The following CD302 variants were observed in gnomAD, a reference collection of about 807,000 sequenced individuals.
CD302 encodes CD302 antigen.
In CD302, 23 loss-of-function variants were observed where a neutral mutation model predicts 26.5. The observed-to-expected ratio is 0.87, with a 90% CI of 0.62 to 1.23. The LOEUF is 1.23. Among genes scored for constraint, CD302 ranks in the 50% most tolerant of loss-of-function variants. The probability of loss-of-function intolerance (pLI) is 0.00; values close to 1 mark genes in which losing one functional copy is unlikely to be tolerated. For synonymous variants in CD302, 90 were observed against 99.4 expected (o/e 0.91, Z 0.56); for missense variants, 290 against 275.5 (o/e 1.05, Z -0.37).
chr2:159,794,695 C>T (rs974785061), intron 1 of CD302, among the ~76,000 whole-genome samples: 1 of 151,362 alleles, frequency 6.6e-6, no homozygotes, highest in East Asian at 2.0e-4. Context: ...ACCACAGGTG[C>T]CTGCCACCAC....
intron 1 of CD302, among the ~76,000 whole-genome samples, chr2:159,784,903 G>T (rs1242542579): frequency 6.6e-6 from 1 of 151,484 alleles, no homozygotes; most frequent in Non-Finnish European, 1.5e-5. Context: ...GGGTTTAGCA[G>T]AAGTGGAATG....
chr2:159,782,876 A>G (rs751608938), intron 2 of CD302, among the ~76,000 whole-genome samples: 4 of 152,170 alleles, frequency 2.6e-5, no homozygotes, highest in African/African-American at 7.2e-5. Flanking sequence ...TCATGGTCCT[A>G]TGTAATCTGA....
At chr2:159,773,243 G>T (rs1708210469) in intron 5 of CD302, among the ~76,000 whole-genome samples, 2 of 152,176 alleles carry the variant, frequency 1.3e-5, no homozygotes, top group African/African-American at 4.8e-5. Flanking sequence ...GAAACCCCTG[G>T]CTTCAAGTGA....
Position 159,768,733 on chromosome 2 carries a change from T to C in CD302, c.*3118A>G, listed in dbSNP as rs1301491454. Reference sequence around the variant, plus strand: ...TTGCCAGTTACCTTTGCATTGTCTGTCTTAAAGCAAAAATATAAAATTTAA... The same window carrying C: ...TTGCCAGTTACCTTTGCATTGTCTGCCTTAAAGCAAAAATATAAAATTTAA... On this transcript the variant is annotated 3_prime_UTR_variant, in exon 6 of 6. Transcript: ENST00000259053. 6.6e-6 allele frequency: 1 copy of C among 152,512 alleles called. No individual in the cohort carries two copies. The highest frequency in any genetic ancestry group is 1.5e-5 in the Non-Finnish European group (1 of 68,018). The allele number at this position is 152,512 out of a possible 1,614,324, so 9.4% of individuals were successfully genotyped here.
chr2:159,786,614 A>G (rs1408821571), intron 1 of CD302, among the ~76,000 whole-genome samples: 4 of 152,086 alleles, frequency 2.6e-5, no homozygotes, highest in Non-Finnish European at 4.4e-5. Flanking sequence ...GATTACAGGC[A>G]TGAGCCACTG....
chr2:159,797,085 C>G (rs367784347), intron 1 of CD302, among the ~76,000 whole-genome samples: 19 of 152,190 alleles, frequency 1.2e-4, no homozygotes, highest in African/African-American at 4.3e-4. Flanking sequence ...CAGAAGTTTT[C>G]AAGAAAGGAA....
chr2:159,782,093 C>T (rs1428564785), intron 2 of CD302, among the ~76,000 whole-genome samples: 4 of 151,988 alleles, frequency 2.6e-5, no homozygotes, highest in African/African-American at 9.7e-5. Flanking sequence ...GTGGTGAAAC[C>T]TTGTTTCTAC....
chr2:159,791,265 G>C (rs1011348648), intron 1 of CD302, among the ~76,000 whole-genome samples: 1 of 152,182 alleles, frequency 6.6e-6, no homozygotes, highest in Non-Finnish European at 1.5e-5. Flanking sequence ...AGAAAACTGA[G>C]GATACTATCT....
At chr2:159,793,607 A>G (rs1244628349) in intron 1 of CD302, among the ~76,000 whole-genome samples, 1 of 152,190 alleles carries the variant, frequency 6.6e-6, no homozygotes, top group African/African-American at 2.4e-5. Flanking sequence ...CCGCAAGGGC[A>G]ACTGTGGCAC....
At chr2:159,789,242 T>G (rs1386667644) in intron 1 of CD302, among the ~76,000 whole-genome samples, 1 of 151,936 alleles carries the variant, frequency 6.6e-6, no homozygotes, top group Non-Finnish European at 1.5e-5. Context: ...TCTCAAGCAA[T>G]CCTCCTACCT....
At chr2:159,784,346 CTTTTTTTT>C (rs151184238) in intron 1 of CD302, among the ~76,000 whole-genome samples, 116 of 53,102 alleles carry the variant, frequency 2.2e-3, no homozygotes, top group African/African-American at 8.4e-3. Flanking sequence ...TTAAGTTCTG[CTTTTTTTT>C]TTTTTTTTTT....
At chr2:159,777,475 A>C (rs1449281881) in intron 5 of CD302, among the ~76,000 whole-genome samples, 2 of 152,212 alleles carry the variant, frequency 1.3e-5, no homozygotes, top group African/African-American at 4.8e-5. Context: ...AAATCTAAAT[A>C]TATATACTTG....
At chr2:159,774,656 T>C (rs1229925087) in intron 5 of CD302, among the ~76,000 whole-genome samples, 2 of 152,238 alleles carry the variant, frequency 1.3e-5, no homozygotes. Context: ...GCCTGATGTC[T>C]ACTTATCCTT....
chr2:159,779,478 CCT>C (rs775061305), intron 4 of CD302, among the ~76,000 whole-genome samples: 2 of 152,000 alleles, frequency 1.3e-5, no homozygotes, highest in Non-Finnish European at 2.9e-5. Flanking sequence ...AAATTTTTGA[CCT>C]CTTGGAAACA....
chr2:159,787,042 T>G (rs1010242567), intron 1 of CD302, among the ~76,000 whole-genome samples: 4 of 152,260 alleles, frequency 2.6e-5, no homozygotes, highest in Non-Finnish European at 4.4e-5. Flanking sequence ...TTAAGACTTA[T>G]CTAAGAACTT....
chr2:159,783,748 G>C (rs1708586011), intron 1 of CD302, among the ~76,000 whole-genome samples: 1 of 152,162 alleles, frequency 6.6e-6, no homozygotes, highest in Non-Finnish European at 1.5e-5. Context: ...ATGTAAATTA[G>C]TGTTATCACC....
At position 159,780,209 on chromosome 2, in the gene CD302, G is replaced by C. The variant is rs771576401; in HGVS notation, c.296-31C>G. On this transcript the variant is annotated intron_variant, in intron 3 of 5. Coordinates refer to ENST00000259053, the MANE Select transcript of CD302 (RefSeq NM_014880.5). Reference sequence around the variant, plus strand: ...AATTAAGGAATATTTTCAACATTATGACAGTTTTAAAAGGAGTTCAAGCCA... The same window carrying C: ...AATTAAGGAATATTTTCAACATTATCACAGTTTTAAAAGGAGTTCAAGCCA... 2.5e-6 allele frequency: 4 copies of C among 1,607,920 alleles called. No homozygotes were observed. In the South Asian group the frequency reaches 4.4e-5, roughly 18 times the overall value.
chr2:159,791,122 A>T (rs1260937716), intron 1 of CD302, among the ~76,000 whole-genome samples: 1 of 152,138 alleles, frequency 6.6e-6, no homozygotes, highest in Non-Finnish European at 1.5e-5. Flanking sequence ...TCTTCCTCTA[A>T]CCTGTGACTC....
At chr2:159,779,720 C>G (rs1708450985) in intron 4 of CD302, among the ~76,000 whole-genome samples, 1 of 152,032 alleles carries the variant, frequency 6.6e-6, no homozygotes, top group African/African-American at 2.4e-5. Flanking sequence ...CCTCCCACCT[C>G]AGGCTCCCAT....
Sources: allele counts gnomAD v4.1 joint callset (sites outside exome capture counted in the v4.1 genomes callset), GRCh38; gene constraint gnomAD v4.1.1; transcripts MANE v1.5; gene names NCBI Gene and HGNC (gene_info 2026-07-23, HGNC 2026-07-21).